Variants in RBM47 observed in about 807,000 individuals in gnomAD.
RBM47 encodes RNA-binding protein 47.
Under a neutral mutation model 47.1 loss-of-function variants are expected in RBM47, and 21 were observed. The ratio of observed to expected loss-of-function variants is 0.45; its 90% CI spans 0.32 to 0.64. The LOEUF (loss-of-function observed/expected upper bound fraction) is 0.64. Among genes scored for constraint, RBM47 ranks in the 30% least tolerant of loss-of-function variants. RBM47 has a pLI of 0.05. For missense variants in RBM47, 708 were observed against 870.9 expected, an observed-to-expected ratio of 0.81 and a Z score of 2.35; for synonymous variants, 375 against 361.7, an observed-to-expected ratio of 1.04 and a Z score of -0.42.
intron 2 of RBM47, among the ~76,000 whole-genome samples, chr4:40,537,243 C>G (rs1320766913): frequency 6.6e-6 from 1 of 151,520 alleles, no homozygotes; most frequent in Non-Finnish European, 1.5e-5. Context: ...TCACAAGTAG[C>G]TGGGGCTACA....
At chr4:40,457,895 C>A (rs1560382255) in intron 3 of RBM47, among the ~76,000 whole-genome samples, 1 of 152,134 alleles carries the variant, frequency 6.6e-6, no homozygotes, top group African/African-American at 2.4e-5. Context: ...AGGTGGATCA[C>A]CTGAGCCTTG....
At chr4:40,619,640 C>T (rs1001122021) in intron 1 of RBM47, among the ~76,000 whole-genome samples, 8 of 152,142 alleles carry the variant, frequency 5.3e-5, no homozygotes, top group Non-Finnish European at 7.4e-5. Flanking sequence ...CCTTCATGAA[C>T]GCTACTCCAT....
intron 2 of RBM47, among the ~76,000 whole-genome samples, chr4:40,506,073 TACAG>T (rs1257894361): frequency 1.3e-5 from 2 of 152,314 alleles, no homozygotes. Context: ...GCAGTGATGG[TACAG>T]ACAAATTGCT....
intron 3 of RBM47, among the ~76,000 whole-genome samples, chr4:40,462,486 A>G (rs1717309621): frequency 6.6e-6 from 1 of 152,084 alleles, no homozygotes; most frequent in African/African-American, 2.4e-5. Flanking sequence ...CTAAGCCACT[A>G]TCTACCCCTG....
At chr4:40,505,367 C>T (rs1723952002) in intron 2 of RBM47, among the ~76,000 whole-genome samples, 1 of 151,792 alleles carries the variant, frequency 6.6e-6, no homozygotes, top group Non-Finnish European at 1.5e-5. Context: ...TGGTATGTGC[C>T]TGTGTTCCCA....
intron 3 of RBM47, among the ~76,000 whole-genome samples, chr4:40,452,604 T>C (rs936936424): frequency 1.7e-4 from 26 of 152,168 alleles, no homozygotes; most frequent in African/African-American, 6.3e-4. Context: ...TTCTGTATCT[T>C]GTCAGCCTTA....
intron 5 of RBM47, among the ~76,000 whole-genome samples, chr4:40,434,003 GT>G (rs375759860): frequency 0.34 from 26,414 of 77,864 alleles, 7,226 homozygotes; most frequent in Non-Finnish European, 0.38. Context: ...TGGGGCGGGG[GT>G]GTGTGTGTGT....
chr4:40,438,260 G>C lies in RBM47; in HGVS notation c.634C>G (p.Arg212Gly). 1.2e-6 allele frequency: 2 copies of C among 1,603,796 alleles called. No homozygotes were observed. The highest frequency in any genetic ancestry group is 1.7e-6 in the Non-Finnish European group (2 of 1,179,886). The change falls in exon 4 of 7, where the codon CGC (arginine) becomes GGC (glycine). Residue 212 changes from arginine to glycine, a missense_variant. Physicochemically the swap from Arg to Gly is moderately radical, Grantham distance 125. Coordinates refer to ENST00000295971, the MANE Select transcript of RBM47 (RefSeq NM_001098634.2). Reference sequence around the variant, plus strand: ...TGGATGCGGCCAGGCATGAGCTTGCGGCGAGCCATGGCAGCCGCGCGGTGG... The same window carrying C: ...TGGATGCGGCCAGGCATGAGCTTGCCGCGAGCCATGGCAGCCGCGCGGTGG... ...ESHRAAAMAR[R>G]KLMPGRIQLW...
At chr4:40,539,449 G>T (rs2154261395) in intron 2 of RBM47, among the ~76,000 whole-genome samples, 1 of 152,060 alleles carries the variant, frequency 6.6e-6, no homozygotes, top group Admixed American at 6.6e-5. Flanking sequence ...TCCAAAAGGT[G>T]TATCTTCTAA....
intron 1 of RBM47, among the ~76,000 whole-genome samples, chr4:40,582,788 C>T (rs1409499636): frequency 6.6e-6 from 1 of 152,166 alleles, no homozygotes; most frequent in Non-Finnish European, 1.5e-5. Flanking sequence ...AACGCCTAGT[C>T]AGTCATCAAA....
intron 2 of RBM47, among the ~76,000 whole-genome samples, chr4:40,513,507 A>G (rs759120272): frequency 5.3e-5 from 8 of 152,188 alleles, no homozygotes; most frequent in African/African-American, 7.2e-5. Context: ...CATTATTACA[A>G]TTGATCATAC....
chr4:40,570,107 AC>A (rs2154268542), intron 1 of RBM47, among the ~76,000 whole-genome samples: 1 of 152,084 alleles, frequency 6.6e-6, no homozygotes, highest in African/African-American at 2.4e-5. Flanking sequence ...GCGGTCCCCA[AC>A]CTTTTTGGCA....
At chr4:40,523,841 G>A (rs888217501) in intron 2 of RBM47, among the ~76,000 whole-genome samples, 24 of 147,390 alleles carry the variant, frequency 1.6e-4, no homozygotes, top group Non-Finnish European at 3.3e-4. Flanking sequence ...CTCCAGCTTG[G>A]GTGACAGAGT....
At chr4:40,471,077 C>A (rs1019828491) in intron 2 of RBM47, among the ~76,000 whole-genome samples, 1 of 152,104 alleles carries the variant, frequency 6.6e-6, no homozygotes, top group Non-Finnish European at 1.5e-5. Flanking sequence ...TTGCCCTCAC[C>A]CAAGGATGCT....
intron 1 of RBM47, among the ~76,000 whole-genome samples, chr4:40,584,831 G>A (rs1034187370): frequency 2.0e-5 from 3 of 152,036 alleles, no homozygotes; most frequent in Non-Finnish European, 4.4e-5. Flanking sequence ...GGTGACTGGT[G>A]GCTCTTATAT....
At chr4:40,610,666 C>G (rs1306150574) in intron 1 of RBM47, among the ~76,000 whole-genome samples, 1 of 149,384 alleles carries the variant, frequency 6.7e-6, no homozygotes, top group Non-Finnish European at 1.5e-5. Flanking sequence ...TGCTATGTGA[C>G]ATGGTTTGGC....
intron 1 of RBM47, among the ~76,000 whole-genome samples, chr4:40,620,033 C>A (rs1284047721): frequency 6.6e-6 from 1 of 150,748 alleles, no homozygotes; most frequent in Non-Finnish European, 1.5e-5. Flanking sequence ...CCTGTCTCTA[C>A]CAAAAATACA....
At chr4:40,541,738 C>CA (rs950550931) in intron 2 of RBM47, among the ~76,000 whole-genome samples, 292 of 137,126 alleles carry the variant, frequency 2.1e-3, no homozygotes, top group Middle Eastern at 0.015. Flanking sequence ...AACTCTGTCT[C>CA]AAAAAAAAAA....
chr4:40,517,621 G>C (rs752775464), intron 2 of RBM47, among the ~76,000 whole-genome samples: 12 of 152,116 alleles, frequency 7.9e-5, no homozygotes, highest in Non-Finnish European at 1.5e-4. Flanking sequence ...GTGTCTGTGG[G>C]TTCCGCATCC....
Sources: allele counts gnomAD v4.1 joint callset (sites outside exome capture counted in the v4.1 genomes callset), GRCh38; gene constraint gnomAD v4.1.1; transcripts MANE v1.5; gene names NCBI Gene and HGNC (gene_info 2026-07-23, HGNC 2026-07-21).